NHSL1: variants seen among roughly 807,000 people sequenced by gnomAD.
The protein encoded by NHSL1 is NHS-like protein 1.
A neutral mutation model predicts 95.0 loss-of-function variants in NHSL1; 48 were observed. The observed-to-expected ratio is 0.51, with a 90% confidence interval of 0.40 to 0.64. The LOEUF is 0.64. Ranked by LOEUF, NHSL1 falls within the 30% of genes least tolerant of loss-of-function variation. The pLI, the probability that NHSL1 is intolerant of heterozygous loss-of-function variation, is 0.00. For synonymous variants in NHSL1, 783 were observed against 833.9 expected (o/e 0.94, Z 1.05); for missense variants, 1,971 against 2,077.7 (o/e 0.95, Z 1.00).
intron 3 of NHSL1, 65 bp from the exon 4 acceptor site, chr6:138,447,258 A>G: frequency 7.5e-7 from 1 of 1,331,590 alleles, no homozygotes; most frequent in African/African-American, 1.5e-5. Context: ...TTTAAAATAT[A>G]TTTCTTATTT....
intron 2 of NHSL1, among the ~76,000 whole-genome samples, chr6:138,493,014 A>G (rs1780163820): frequency 6.6e-6 from 1 of 152,100 alleles, no homozygotes; most frequent in Non-Finnish European, 1.5e-5. Context: ...CTTCACTGAT[A>G]ATGAGGTAAT....
intron 1 of NHSL1, among the ~76,000 whole-genome samples, chr6:138,596,884 ACT>A (rs752618030): frequency 3.3e-5 from 5 of 151,408 alleles, no homozygotes; most frequent in African/African-American, 7.3e-5. Context: ...TGACAGAAAA[ACT>A]CTCTCAAGCA....
intron 1 of NHSL1, among the ~76,000 whole-genome samples, chr6:138,639,421 G>C (rs1467306829): frequency 6.6e-6 from 1 of 151,834 alleles, no homozygotes; most frequent in Non-Finnish European, 1.5e-5. Context: ...GGTGGATCAC[G>C]AGGTCAGGAG....
chr6:138,684,482 C>A (rs1018913738), intron 1 of NHSL1, among the ~76,000 whole-genome samples: 1 of 151,986 alleles, frequency 6.6e-6, no homozygotes, highest in Non-Finnish European at 1.5e-5. Context: ...CCCATCTCTA[C>A]TAAAAATACA....
At chr6:138,564,064 C>CA (rs1783514618) in intron 1 of NHSL1, among the ~76,000 whole-genome samples, 1 of 149,924 alleles carries the variant, frequency 6.7e-6, no homozygotes, top group Admixed American at 6.6e-5. Flanking sequence ...CAGCCCTGAT[C>CA]AAATTTTTTT....
chr6:138,490,849 G>A (rs1464959053), intron 2 of NHSL1, among the ~76,000 whole-genome samples: 2 of 152,156 alleles, frequency 1.3e-5, no homozygotes, highest in East Asian at 1.9e-4. Flanking sequence ...GGCCAGGATG[G>A]TATCTATCTC....
intron 1 of NHSL1, among the ~76,000 whole-genome samples, chr6:138,527,540 A>G (rs1333271803): frequency 6.6e-6 from 1 of 152,194 alleles, no homozygotes; most frequent in Non-Finnish European, 1.5e-5. Context: ...CAAGTCAGAG[A>G]GCAGCCGGAT....
At chr6:138,659,747 C>T in intron 1 of NHSL1, among the ~76,000 whole-genome samples, 1 of 143,168 alleles carries the variant, frequency 7.0e-6, no homozygotes. Flanking sequence ...GATGGAGTCT[C>T]ACTCTGTCAT....
chr6:138,437,435 CA>C (rs1776244720), intron 5 of NHSL1, among the ~76,000 whole-genome samples: 1 of 39,442 alleles, frequency 2.5e-5, no homozygotes, highest in African/African-American at 9.9e-5. Flanking sequence ...CACACACACA[CA>C]CACACACACA....
rs569080601 is a variant in NHSL1, at chr6:138,584,169, A to G, written c.97-87798T>C. ...TTAAAAACCTTCCACTGACTCTGCA[A>G]CTAAAGGAACCATAGACTTGGTATC... On this transcript the variant is annotated intron_variant, in intron 1 of 3. Transcript: ENST00000491526. Among the ~76,000 whole-genome samples, 31 of 152,314 alleles carry G rather than the reference A, an allele frequency of 2.0e-4. 2 individuals are homozygous for G. The Middle Eastern group carries it at 0.01, about 50-fold the overall frequency.
At position 138,496,705 on chromosome 6, in the gene NHSL1, AC is replaced by A. The variant is rs549928987; in HGVS notation, c.59-335del. The stretch of plus-strand genomic sequence containing the variant: ...GATAGAGACCTCCAATTCCTACTTA[AC>A]CCCCCTCGCACACACACAACAAATA... On this transcript the variant is annotated intron_variant, in intron 1 of 7. Transcript: ENST00000343505. Among the ~76,000 whole-genome samples the A allele has an allele frequency of 4.3e-3, 647 of 151,822 alleles. 6 individuals carry two copies. Among genetic ancestry groups the A allele is most frequent in the African/African-American group, 0.014 (598 of 41,410 alleles).
At chr6:138,664,902 G>C (rs993951426) in intron 1 of NHSL1, among the ~76,000 whole-genome samples, 2 of 152,118 alleles carry the variant, frequency 1.3e-5, no homozygotes, top group African/African-American at 4.8e-5. Flanking sequence ...GGGAAACTTA[G>C]CTTTTTATCT....
At chr6:138,521,033 G>A (rs1426989031) in intron 1 of NHSL1, among the ~76,000 whole-genome samples, 1 of 152,224 alleles carries the variant, frequency 6.6e-6, no homozygotes, top group Admixed American at 6.5e-5. Flanking sequence ...TGGGAGCTAT[G>A]CAAGGGATTC....
chr6:138,483,869 G>A (rs1369705308), intron 2 of NHSL1, among the ~76,000 whole-genome samples: 4 of 152,166 alleles, frequency 2.6e-5, no homozygotes, highest in Admixed American at 2.0e-4. Flanking sequence ...GGACAGTAGC[G>A]TGCTTGAAGG....
At chr6:138,507,895 T>C (rs1781039035) in intron 1 of NHSL1, among the ~76,000 whole-genome samples, 4 of 152,118 alleles carry the variant, frequency 2.6e-5, no homozygotes, top group Admixed American at 2.6e-4. Context: ...AGGGGAACCT[T>C]AGGAGATGAT....
intron 3 of NHSL1, among the ~76,000 whole-genome samples, chr6:138,465,295 C>G (rs1778289456): frequency 6.6e-6 from 1 of 152,042 alleles, no homozygotes; most frequent in Non-Finnish European, 1.5e-5. Flanking sequence ...GAAATTAATG[C>G]CTTAAAGGGG....
rs200100326 is a variant in NHSL1, at chr6:138,449,764, C to CT, written c.340-2572dup. Among the ~76,000 whole-genome samples the CT allele has an allele frequency of 8.6e-3, 1,305 of 151,836 alleles. 16 individuals are homozygous for CT. The highest frequency in any genetic ancestry group is 0.029 in the African/African-American group (1,205 of 41,434). On this transcript the variant is annotated intron_variant, in intron 3 of 7. Coordinates refer to ENST00000343505, the MANE Select transcript of NHSL1 (RefSeq NM_001144060.2). Reference sequence around the variant, plus strand: ...AAAGTCATGAATTGACATGTACTCACTTTTTTTTCTTTTACAAGGAGACTA... The same window carrying CT: ...AAAGTCATGAATTGACATGTACTCACTTTTTTTTTCTTTTACAAGGAGACTA...
At chr6:138,548,115 G>C (rs1434317569), upstream of NHSL1, among the ~76,000 whole-genome samples, 3 of 152,170 alleles carry the variant, frequency 2.0e-5, no homozygotes, top group East Asian at 5.8e-4. Flanking sequence ...CCAAGTAGCT[G>C]GGACTACAGG....
intron 1 of NHSL1, among the ~76,000 whole-genome samples, chr6:138,598,224 C>T (rs532422068): frequency 1.1e-4 from 16 of 152,006 alleles, no homozygotes; most frequent in Admixed American, 3.9e-4. Context: ...TTTGGGAGGC[C>T]GAGGTAGATG....
Sources: allele counts gnomAD v4.1 joint callset (sites outside exome capture counted in the v4.1 genomes callset), GRCh38; gene constraint gnomAD v4.1.1; transcripts MANE v1.5; gene names NCBI Gene and HGNC (gene_info 2026-07-23, HGNC 2026-07-21).